Variants in IMMP2L observed in about 807,000 individuals in gnomAD.
IMMP2L encodes mitochondrial inner membrane protease subunit 2.
Under a neutral mutation model 19.3 loss-of-function variants are expected in IMMP2L, and 18 were observed. That is an observed-to-expected ratio of 0.93 (90% CI 0.64 to 1.38). IMMP2L has a LOEUF of 1.38. Among genes scored for constraint, IMMP2L ranks in the 40% most tolerant of loss-of-function variants. The pLI is 0.00. For synonymous variants in IMMP2L, 76 were observed against 73.0 expected (o/e 1.04, Z -0.21); for missense variants, 233 against 218.2 (o/e 1.07, Z -0.43).
intron 4 of IMMP2L, among the ~76,000 whole-genome samples, chr7:110,942,370 C>T (rs971031461): frequency 6.6e-6 from 1 of 151,846 alleles, no homozygotes; most frequent in Non-Finnish European, 1.5e-5. Flanking sequence ...GGCTGCTATG[C>T]TTGGCTTAAT....
chr7:110,989,521 CTCTG>C (rs1217285729), intron 3 of IMMP2L, among the ~76,000 whole-genome samples: 29 of 141,346 alleles, frequency 2.1e-4, no homozygotes, highest in African/African-American at 7.3e-4. Context: ...CAGAAGAAGA[CTCTG>C]TCTCCCAAAA....
chr7:110,766,950 T>C (rs1217954159), intron 5 of IMMP2L, among the ~76,000 whole-genome samples: 1 of 152,072 alleles, frequency 6.6e-6, no homozygotes, highest in Non-Finnish European at 1.5e-5. Context: ...TCATGCTTAA[T>C]TGGGCCATTG....
chr7:111,082,241 A>G (rs749870245), intron 3 of IMMP2L, among the ~76,000 whole-genome samples: 1 of 152,204 alleles, frequency 6.6e-6, no homozygotes, highest in African/African-American at 2.4e-5. Flanking sequence ...CTTTTTCTAT[A>G]TGTCACACTT....
At chr7:111,144,196 G>A (rs745892830) in intron 3 of IMMP2L, among the ~76,000 whole-genome samples, 18 of 152,082 alleles carry the variant, frequency 1.2e-4, no homozygotes, top group Non-Finnish European at 2.2e-4. Context: ...AACATAATGT[G>A]CCAGAGTTTC....
chr7:110,666,259 G>C (rs1791445240), intron 5 of IMMP2L, among the ~76,000 whole-genome samples: 1 of 147,556 alleles, frequency 6.8e-6, no homozygotes. Context: ...AAAGTGCCTT[G>C]GTTTCTTGTT....
chr7:111,487,602 C>G (rs377281645), intron 2 of IMMP2L, among the ~76,000 whole-genome samples: 1 of 151,942 alleles, frequency 6.6e-6, no homozygotes, highest in Admixed American at 6.6e-5. Context: ...TTAGTAAACT[C>G]CAATAAAGAG....
intron 3 of IMMP2L, among the ~76,000 whole-genome samples, chr7:111,211,184 AT>A (rs1420698882): frequency 6.6e-6 from 1 of 152,186 alleles, no homozygotes; most frequent in Non-Finnish European, 1.5e-5. Flanking sequence ...AGGAAACCAC[AT>A]ATGATTAGCC....
intron 5 of IMMP2L, among the ~76,000 whole-genome samples, chr7:110,865,850 T>TA (rs1468308418): frequency 6.7e-6 from 1 of 149,988 alleles, no homozygotes; most frequent in Non-Finnish European, 1.5e-5. Flanking sequence ...CCAAACTAAT[T>TA]TTTTTTTTTT....
chr7:111,377,266 T>C (rs1331373583), intron 3 of IMMP2L, among the ~76,000 whole-genome samples: 1 of 151,970 alleles, frequency 6.6e-6, no homozygotes, highest in African/African-American at 2.4e-5. Flanking sequence ...TGTGTGTATG[T>C]GTATGTGTGT....
At chr7:111,122,376 TTC>T (rs1158890313) in intron 3 of IMMP2L, 3 of 158,708 alleles carry the variant, frequency 1.9e-5, no homozygotes, top group East Asian at 3.7e-4. Flanking sequence ...CTAATTATTG[TTC>T]TCTTTTTTCT....
chr7:111,273,660 C>A (rs1342403994), intron 3 of IMMP2L, among the ~76,000 whole-genome samples: 1 of 151,900 alleles, frequency 6.6e-6, no homozygotes, highest in Non-Finnish European at 1.5e-5. Context: ...GAACACTTCC[C>A]GAGGGAGCAA....
At chr7:110,995,763 C>A (rs1177714308) in intron 3 of IMMP2L, among the ~76,000 whole-genome samples, 1 of 152,208 alleles carries the variant, frequency 6.6e-6, no homozygotes, top group Admixed American at 6.6e-5. Flanking sequence ...TACATCTCTC[C>A]CCCAGTTTCT....
At chr7:110,881,400 G>C (rs915587013) in intron 5 of IMMP2L, among the ~76,000 whole-genome samples, 3 of 151,986 alleles carry the variant, frequency 2.0e-5, no homozygotes, top group Non-Finnish European at 2.9e-5. Flanking sequence ...AAAACCACAA[G>C]GTAAGGCTTT....
chr7:111,528,836 C>T (rs1395577322), intron 1 of IMMP2L, among the ~76,000 whole-genome samples: 1 of 152,130 alleles, frequency 6.6e-6, no homozygotes, highest in East Asian at 1.9e-4. Flanking sequence ...TTTCAATCAT[C>T]ATAAGCCTAC....
intron 3 of IMMP2L, among the ~76,000 whole-genome samples, chr7:111,344,088 T>C (rs1355854142): frequency 6.6e-6 from 1 of 152,136 alleles, no homozygotes; most frequent in Non-Finnish European, 1.5e-5. Context: ...TTATTTCCAT[T>C]CTTGCCCCAT....
In IMMP2L at chr7:111,349,568, T is replaced by G. The variant is rs564209669; in HGVS notation, c.239+137670A>C. ...ATAAGGCAAATAAATATTTCTTGGC[T>G]TTCATGAAGCCCTAGGAGCCTTAAC... On this transcript the variant is annotated intron_variant, in intron 3 of 5. Transcript: ENST00000405709. Among the ~76,000 whole-genome samples, 306 of 152,302 alleles carry G rather than the reference T, an allele frequency of 2.0e-3. 3 individuals are homozygous for G. The highest frequency in any genetic ancestry group is 1.7e-3 in the Non-Finnish European group (119 of 68,024).
chr7:110,746,528 C>A (rs776400533), intron 5 of IMMP2L, among the ~76,000 whole-genome samples: 1 of 151,836 alleles, frequency 6.6e-6, no homozygotes, highest in Non-Finnish European at 1.5e-5. Flanking sequence ...ACAGCAAATG[C>A]AAAATAATGC....
At chr7:111,514,053 T>C (rs988502428) in intron 2 of IMMP2L, among the ~76,000 whole-genome samples, 2 of 152,040 alleles carry the variant, frequency 1.3e-5, no homozygotes, top group African/African-American at 4.8e-5. Flanking sequence ...TGAGAAGATG[T>C]TGGTCACAGT....
chr7:110,925,271 A>G (rs1814727118), intron 4 of IMMP2L, among the ~76,000 whole-genome samples: 1 of 152,156 alleles, frequency 6.6e-6, no homozygotes, highest in African/African-American at 2.4e-5. Flanking sequence ...GTTAACTCTA[A>G]CTTCACGAGT....
Sources: allele counts gnomAD v4.1 joint callset (sites outside exome capture counted in the v4.1 genomes callset), GRCh38; gene constraint gnomAD v4.1.1; transcripts MANE v1.5; gene names NCBI Gene and HGNC (gene_info 2026-07-23, HGNC 2026-07-21).